The following SH3KBP1 variants were observed in gnomAD, a reference collection of about 807,000 sequenced individuals.
SH3KBP1 encodes the protein SH3 domain-containing kinase-binding protein 1.
A neutral mutation model predicts 50.1 loss-of-function variants in SH3KBP1; 8 were observed. That is an observed-to-expected ratio of 0.16 (90% CI 0.09 to 0.29). SH3KBP1 has a LOEUF of 0.29. Ranked by LOEUF, SH3KBP1 falls within the 10% of genes least tolerant of loss-of-function variation. SH3KBP1 has a pLI of 1.00. For synonymous variants in SH3KBP1, 227 were observed against 218.6 expected, an observed-to-expected ratio of 1.04 and a Z score of -0.34; for missense variants, 377 against 535.2, an observed-to-expected ratio of 0.70 and a Z score of 2.92.
chrX:19,848,786 T>C (rs1258299718), intron 1 of SH3KBP1, among the ~76,000 whole-genome samples: 1 of 111,215 alleles, frequency 9.0e-6, no homozygotes, highest in Non-Finnish European at 1.9e-5. Context: ...GATTGATTGA[T>C]TGATTGAGAC....
At chrX:19,689,859 C>T (rs1049242554) in intron 5 of SH3KBP1, among the ~76,000 whole-genome samples, 6 of 111,672 alleles carry the variant, frequency 5.4e-5, no homozygotes, top group Admixed American at 9.5e-5. Flanking sequence ...ATACTCCAAA[C>T]AAATATCATC....
intron 2 of SH3KBP1, among the ~76,000 whole-genome samples, chrX:19,806,935 C>T (rs1320065917): frequency 9.0e-6 from 1 of 111,717 alleles, no homozygotes; most frequent in Non-Finnish European, 1.9e-5. Flanking sequence ...CAACACAATC[C>T]TGGGAAGTCA....
At chrX:19,720,498 G>A (rs889887442) in intron 3 of SH3KBP1, among the ~76,000 whole-genome samples, 1 of 112,075 alleles carries the variant, frequency 8.9e-6, no homozygotes, top group Non-Finnish European at 1.9e-5. Context: ...ACTTTTAAAC[G>A]CTCCATGCAG....
At chrX:19,633,051 G>A (rs1056327882) in intron 7 of SH3KBP1, among the ~76,000 whole-genome samples, 12 of 111,653 alleles carry the variant, frequency 1.1e-4, no homozygotes, top group Non-Finnish European at 2.1e-4. Context: ...ACTGAAATGT[G>A]TTTATTTATT....
intron 3 of SH3KBP1, among the ~76,000 whole-genome samples, chrX:19,735,629 C>T (rs1160759831): frequency 9.6e-6 from 1 of 104,244 alleles, no homozygotes; most frequent in Non-Finnish European, 1.9e-5. Flanking sequence ...CAATTTCCTT[C>T]TATTGTTGAT....
chrX:19,603,405 T>C (rs1392592188), intron 9 of SH3KBP1, among the ~76,000 whole-genome samples: 2 of 112,197 alleles, frequency 1.8e-5, no homozygotes, highest in African/African-American at 3.2e-5. Flanking sequence ...TGAGTTCTTG[T>C]TGTGATGAGT....
intron 2 of SH3KBP1, among the ~76,000 whole-genome samples, chrX:19,823,390 C>A (rs761546132): frequency 1.8e-5 from 2 of 112,198 alleles, no homozygotes; most frequent in East Asian, 5.6e-4. Context: ...CAAATTCACT[C>A]AGGTTGTTGG....
At chrX:19,549,539 A>G (rs2065180690) in intron 14 of SH3KBP1, among the ~76,000 whole-genome samples, 1 of 111,640 alleles carries the variant, frequency 9.0e-6, no homozygotes, top group Non-Finnish European at 1.9e-5. Context: ...GGTACAGGCA[A>G]CGGGGATTTG....
intron 1 of SH3KBP1, among the ~76,000 whole-genome samples, chrX:19,851,396 G>C (rs1178533857): frequency 8.0e-5 from 9 of 112,750 alleles, no homozygotes; most frequent in African/African-American, 2.9e-4. Context: ...GGAATTTCCA[G>C]ATCTAATTAC....
Position 19,695,751 on chromosome X carries a change from T to C in SH3KBP1, c.391-10A>G. The C allele has an allele frequency of 1.7e-6, 2 of 1,209,227 alleles. No homozygotes were observed. Among genetic ancestry groups the C allele is most frequent in the Non-Finnish European group, 2.2e-6 (2 of 894,470 alleles). On this transcript the variant is annotated splice_polypyrimidine_tract_variant and intron_variant, in intron 4 of 17. Coordinates refer to ENST00000397821, the MANE Select transcript of SH3KBP1 (RefSeq NM_031892.3). The stretch of plus-strand genomic sequence containing the variant: ...ACCATCCTTCCTCTACCTGCAGAGA[T>C]ACAAACAAAAGAGCAGAGATACATG...
At chrX:19,578,150 A>G (rs1401138059) in intron 12 of SH3KBP1, among the ~76,000 whole-genome samples, 1 of 111,703 alleles carries the variant, frequency 9.0e-6, no homozygotes, top group East Asian at 2.8e-4. Flanking sequence ...TTTTTTTATG[A>G]CAACTTTTTA....
At chrX:19,870,581 C>T (rs1358058306) in intron 1 of SH3KBP1, among the ~76,000 whole-genome samples, 1 of 111,793 alleles carries the variant, frequency 8.9e-6, no homozygotes, top group Non-Finnish European at 1.9e-5. Context: ...CCTGGGCTCA[C>T]GTGATCCGCT....
intron 2 of SH3KBP1, among the ~76,000 whole-genome samples, chrX:19,792,797 A>C (rs972342153): frequency 9.9e-5 from 1 of 10,147 alleles, no homozygotes; most frequent in African/African-American, 3.9e-4. Flanking sequence ...GGGTGGGGGC[A>C]GGGGCGGGAC....
intron 2 of SH3KBP1, among the ~76,000 whole-genome samples, chrX:19,813,160 A>AAGAAGAAGAAG (rs2067256398): frequency 3.8e-5 from 4 of 104,532 alleles, no homozygotes; most frequent in African/African-American, 1.5e-4. Context: ...AAACAAAAAA[A>AAGAAGAAGAAG]AAGAAGAAGA....
intron 6 of SH3KBP1, among the ~76,000 whole-genome samples, chrX:19,655,744 G>A (rs1426602147): frequency 9.0e-6 from 1 of 110,959 alleles, no homozygotes. Context: ...CGATGGGTTC[G>A]ATAGAAGCCC....
At chrX:19,685,550 G>A (rs973190830) in intron 5 of SH3KBP1, among the ~76,000 whole-genome samples, 1 of 111,472 alleles carries the variant, frequency 9.0e-6, no homozygotes, top group Non-Finnish European at 1.9e-5. Context: ...CAAGGGGGTC[G>A]GCTGCAATTC....
chrX:19,753,362 T>G (rs1053588979), intron 2 of SH3KBP1, among the ~76,000 whole-genome samples: 2 of 112,064 alleles, frequency 1.8e-5, no homozygotes, highest in African/African-American at 6.5e-5. Context: ...AAATTACCAC[T>G]GGCAGGAGAT....
At chrX:19,783,330 T>C (rs774732276) in intron 2 of SH3KBP1, among the ~76,000 whole-genome samples, 2 of 112,312 alleles carry the variant, frequency 1.8e-5, no homozygotes, top group Non-Finnish European at 3.8e-5. Flanking sequence ...AATACATATA[T>C]ACAATGTATA....
intron 1 of SH3KBP1, among the ~76,000 whole-genome samples, chrX:19,873,398 T>TGGTA (rs912538865): frequency 1.9e-5 from 2 of 106,094 alleles, no homozygotes; most frequent in Non-Finnish European, 3.9e-5. Context: ...TGGCTGGGCA[T>TGGTA]GGTAGCTCAC....
Sources: gnomAD v4.1 joint callset for allele counts (sites outside exome capture counted in the v4.1 genomes callset) on GRCh38, gnomAD v4.1.1 for gene constraint, MANE v1.5 for transcripts, NCBI Gene and HGNC (gene_info 2026-07-23, HGNC 2026-07-21) for gene names.